The following TRRAP variants were observed in gnomAD, a reference collection of about 807,000 sequenced individuals.
TRRAP encodes transformation/transcription domain-associated protein.
In TRRAP, 41 loss-of-function variants were observed where a neutral mutation model predicts 438.8. The ratio of observed to expected loss-of-function variants is 0.09; its 90% confidence interval spans 0.07 to 0.12. The LOEUF is 0.12. Ranked by LOEUF, TRRAP falls within the 10% of genes least tolerant of loss-of-function variation. The pLI is 1.00. For missense variants in TRRAP, 3,122 were observed against 5,055.1 expected, an observed-to-expected ratio of 0.62 and a Z score of 11.60; for synonymous variants, 1,994 against 1,962.9, an observed-to-expected ratio of 1.02 and a Z score of -0.42.
chr7:98,933,537 T>A (rs1790421200), intron 27 of TRRAP, 135 bp downstream of exon 27: 3 of 1,245,138 alleles, frequency 2.4e-6, no homozygotes, highest in Non-Finnish European at 2.2e-6. Context: ...CACTGACACC[T>A]GGCACAGCAA....
In TRRAP at chr7:98,911,079, C is replaced by G; in HGVS notation, c.1815C>G (p.Val605=). The G allele has an allele frequency of 6.2e-7, 1 of 1,613,446 alleles. No homozygotes were observed. Among genetic ancestry groups the G allele is most frequent in the South Asian group, 1.1e-5 (1 of 90,992 alleles). The stretch of plus-strand genomic sequence containing the variant: ...GCGGCTTTTTTCCCCTGTATTAGGT[C>G]CAGATAGCAGGAAATGGACAGACAT... ...YAMQALDIYQ[V]QIAGNGQTYI... Residue 605 remains valine (V), a splice_region_variant and synonymous_variant, in exon 17 of 73, where the codon GTC becomes GTG. Coordinates refer to ENST00000456197, the MANE Select transcript of TRRAP (RefSeq NM_001375524.1).
intron 30 of TRRAP, 22 bp downstream of exon 30, chr7:98,937,842 G>A (rs782504266): frequency 7.9e-5 from 126 of 1,590,404 alleles, no homozygotes; most frequent in African/African-American, 1.6e-4. Flanking sequence ...GCATTTAAAC[G>A]CTCTGTAACA....
chr7:98,880,243 GCGTT>G (rs1795358529), intron 1 of TRRAP, among the ~76,000 whole-genome samples: 1 of 139,992 alleles, frequency 7.1e-6, no homozygotes, highest in African/African-American at 2.6e-5. Flanking sequence ...CCTGCTGCCT[GCGTT>G]TTGTTGTTGT....
At position 99,004,257 on chromosome 7, in the gene TRRAP, C is replaced by T. The variant is rs1243346914; in HGVS notation, c.10377C>T (p.Ile3459=). 6.2e-7 allele frequency: 1 copy of T among 1,614,134 alleles called. No individual in the cohort carries two copies. Among genetic ancestry groups the T allele is most frequent in the Admixed American group, 1.7e-5 (1 of 60,016 alleles). Residue 3459 remains isoleucine (I), a synonymous_variant, in exon 68 of 73, where the codon ATC becomes ATT. Coordinates refer to ENST00000456197, the MANE Select transcript of TRRAP (RefSeq NM_001375524.1). ...HNLISKLKKW[I]KILEAKTKQL... is the part of the protein sequence containing the mutation. ...TTATTTCTAAGTTGAAAAAGTGGAT[C>T]AAAATCTTGGAGGCCAAGACCAAGC...
At chr7:98,913,098 G>A (rs1554409014) in intron 18 of TRRAP, among the ~76,000 whole-genome samples, 2 of 151,954 alleles carry the variant, frequency 1.3e-5, no homozygotes, top group African/African-American at 4.8e-5. Flanking sequence ...TTCCATCTGT[G>A]GTTAACTTTT....
At chr7:98,890,795 TTTTTTTTTTTA>T (rs1323645589) in intron 4 of TRRAP, among the ~76,000 whole-genome samples, 2 of 129,244 alleles carry the variant, frequency 1.5e-5, no homozygotes, top group African/African-American at 3.6e-5. Context: ...TTTTTTTTTT[TTTTTTTTTTTA>T]AAAGACAAGG....
At chr7:98,879,218 T>C (rs1459267994) in intron 1 of TRRAP, among the ~76,000 whole-genome samples, 1 of 152,010 alleles carries the variant, frequency 6.6e-6, no homozygotes. Context: ...GCCTTCGGCG[T>C]CCGGGGTGGT....
chr7:98,931,399 T>A lies in TRRAP; in HGVS notation c.3592-6T>A, dbSNP rs199875903. On this transcript the variant is annotated splice_region_variant and splice_polypyrimidine_tract_variant and intron_variant, in intron 25 of 72. Transcript: ENST00000456197. ...GCTTTCATTCTAAGACATCCCTGAC[T>A]TGCAGGTTTCCAATGGGGCAGTCGC... 7.4e-5 allele frequency: 120 copies of A among 1,612,526 alleles called. No homozygotes were observed. In the East Asian group the frequency reaches 1.8e-3, roughly 24 times the overall value.
chr7:98,965,381 G>C (rs1342878856), intron 48 of TRRAP, among the ~76,000 whole-genome samples: 3 of 152,112 alleles, frequency 2.0e-5, no homozygotes, highest in African/African-American at 7.2e-5. Context: ...CCTGGCAGGG[G>C]CTGTGGTGGG....
intron 22 of TRRAP, among the ~76,000 whole-genome samples, chr7:98,925,948 A>G (rs782675172): frequency 7.2e-5 from 11 of 152,206 alleles, no homozygotes; most frequent in South Asian, 2.1e-4. Context: ...ATAGACCCAC[A>G]CAGGCTTCAG....
chr7:98,936,493 CAT>C (rs1377858700), intron 28 of TRRAP, among the ~76,000 whole-genome samples: 1 of 152,174 alleles, frequency 6.6e-6, no homozygotes, highest in East Asian at 1.9e-4. Context: ...TGTCACCTGA[CAT>C]AGAAGGTTGA....
chr7:98,959,789 A>G (rs953463581), intron 45 of TRRAP, among the ~76,000 whole-genome samples: 3 of 152,092 alleles, frequency 2.0e-5, no homozygotes, highest in Admixed American at 2.0e-4. Context: ...TTAGCTGGGC[A>G]TGATGGTGTG....
chr7:99,005,137 G>T lies in TRRAP; in HGVS notation c.10542G>T (p.Met3514Ile). The T allele has an allele frequency of 6.2e-7, 1 of 1,613,432 alleles. No homozygotes were observed. The highest frequency in any genetic ancestry group is 1.1e-5 in the South Asian group (1 of 91,078). The change falls in exon 69 of 73, where the codon ATG (methionine) becomes ATT (isoleucine). Residue 3514 changes from methionine to isoleucine, a missense_variant. Met to Ile is a conservative substitution (Grantham distance 10). Coordinates refer to ENST00000456197, the MANE Select transcript of TRRAP (RefSeq NM_001375524.1). The surrounding 1 kb of genome is among the most constrained non-coding windows in gnomAD (Gnocchi z 5.1). ...TGGCTTCTCGCTCTGGCAGGTTCATGCCCCGGGTAGAGATTGTGCAGAAGC... is the reference window on the plus strand; with the variant it reads ...TGGCTTCTCGCTCTGGCAGGTTCATTCCCCGGGTAGAGATTGTGCAGAAGC... ...THYYIKIARF[M>I]PRVEIVQKHN...
chr7:98,931,112 C>T (rs1217247729), intron 25 of TRRAP, among the ~76,000 whole-genome samples: 2 of 152,180 alleles, frequency 1.3e-5, no homozygotes, highest in Non-Finnish European at 2.9e-5. Context: ...GTGCTGTTTC[C>T]GGAGGAGCTG....
intron 31 of TRRAP, among the ~76,000 whole-genome samples, chr7:98,943,501 A>G (rs1217476210): frequency 6.6e-6 from 1 of 152,204 alleles, no homozygotes; most frequent in Non-Finnish European, 1.5e-5. Context: ...AAGGAATCCC[A>G]TAAATACTGG....
rs143825664 is a variant in TRRAP, at chr7:98,932,146, C to T, written c.3852+481C>T. Reference sequence around the variant, plus strand: ...AATTATTTATTTTGAGACAGAGTCTCGCTGTTGCTCAGGCTGGAGTGCAGT... The same window carrying T: ...AATTATTTATTTTGAGACAGAGTCTTGCTGTTGCTCAGGCTGGAGTGCAGT... On this transcript the variant is annotated intron_variant, in intron 26 of 72. Transcript: ENST00000456197. 4.5e-3 allele frequency among the ~76,000 whole-genome samples: 678 copies of T among 151,976 alleles called. 6 individuals carry two copies. Among genetic ancestry groups the T allele is most frequent in the Non-Finnish European group, 8.2e-3 (557 of 67,966 alleles).
chr7:98,999,084 C>T (rs1793800765), intron 67 of TRRAP: 17 of 1,214,988 alleles, frequency 1.4e-5, no homozygotes, highest in African/African-American at 4.5e-5. Context: ...ACTCTGCTTC[C>T]GCTGGCTCTT....
At chr7:98,910,653 TCTTAG>T (rs1554408581) in intron 16 of TRRAP, 46 bp downstream of exon 16, 1 of 1,521,656 alleles carries the variant, frequency 6.6e-7, no homozygotes. Context: ...GGAAAGTACC[TCTTAG>T]TATTAGAGGT....
chr7:98,921,176 C>A (rs1789776951), intron 20 of TRRAP, among the ~76,000 whole-genome samples: 1 of 152,160 alleles, frequency 6.6e-6, no homozygotes, highest in African/African-American at 2.4e-5. Flanking sequence ...AGCTCTGCAG[C>A]ACTTATAATA....
Sources: allele counts gnomAD v4.1 joint callset (sites outside exome capture counted in the v4.1 genomes callset), GRCh38; gene constraint gnomAD v4.1.1; non-coding constraint Gnocchi (gnomAD v3.1); transcripts MANE v1.5; gene names NCBI Gene and HGNC (gene_info 2026-07-23, HGNC 2026-07-21).